The following CTNNA2 variants were observed in gnomAD, a reference collection of about 807,000 sequenced individuals.
CTNNA2 encodes the protein catenin alpha-2.
CTNNA2 carries 42 observed loss-of-function variants against 101.0 expected under a neutral mutation model. The ratio of observed to expected loss-of-function variants is 0.42; its 90% CI spans 0.32 to 0.54. CTNNA2 has a LOEUF of 0.54. Ranked by LOEUF, CTNNA2 falls within the 20% of genes least tolerant of loss-of-function variation. The probability of loss-of-function intolerance (pLI) is 0.14; values close to 1 mark genes in which losing one functional copy is unlikely to be tolerated. For synonymous variants in CTNNA2, 450 were observed against 456.4 expected (o/e 0.99, Z 0.18); for missense variants, 871 against 1,223.1 (o/e 0.71, Z 4.29).
chr2:79,276,853 G>A (rs762220354), intron 2 of CTNNA2, among the ~76,000 whole-genome samples: 4 of 152,022 alleles, frequency 2.6e-5, no homozygotes, highest in African/African-American at 4.8e-5. Context: ...GATAAGAAAG[G>A]TTTTCCATTT....
At chr2:80,317,087 G>A (rs1678203012) in intron 7 of CTNNA2, among the ~76,000 whole-genome samples, 1 of 152,068 alleles carries the variant, frequency 6.6e-6, no homozygotes, top group African/African-American at 2.4e-5. Context: ...AGAACAGAAG[G>A]TGCCAAGGCC....
At chr2:79,769,687 C>T (rs1031931500) in intron 3 of CTNNA2, among the ~76,000 whole-genome samples, 2 of 148,074 alleles carry the variant, frequency 1.4e-5, no homozygotes, top group Non-Finnish European at 3.0e-5. Flanking sequence ...CTCTTAAATT[C>T]TTTCTTAAAG....
At chr2:80,636,510 G>A (rs1672896790) in intron 18 of CTNNA2, among the ~76,000 whole-genome samples, 1 of 152,034 alleles carries the variant, frequency 6.6e-6, no homozygotes, top group Admixed American at 6.6e-5. Context: ...GGGGTAGTGA[G>A]GGATCTCAGC....
At chr2:80,167,263 G>A (rs1473561697) in intron 7 of CTNNA2, among the ~76,000 whole-genome samples, 1 of 151,940 alleles carries the variant, frequency 6.6e-6, no homozygotes, top group African/African-American at 2.4e-5. Flanking sequence ...TATTTTTCTT[G>A]TTATTAGAAG....
intron 7 of CTNNA2, among the ~76,000 whole-genome samples, chr2:79,972,205 T>C (rs1272380741): frequency 6.6e-6 from 1 of 152,206 alleles, no homozygotes. Context: ...TTCATTGTTT[T>C]ATTATCAGCA....
At chr2:80,264,437 A>G (rs1672852384) in intron 7 of CTNNA2, among the ~76,000 whole-genome samples, 1 of 152,118 alleles carries the variant, frequency 6.6e-6, no homozygotes, top group Non-Finnish European at 1.5e-5. Context: ...GTTTCAGGTA[A>G]AAATGTATTA....
chr2:79,755,332 C>T lies in CTNNA2; in HGVS notation c.298+10750C>T, dbSNP rs186519689. 6.6e-5 allele frequency among the ~76,000 whole-genome samples: 10 copies of T among 152,174 alleles called. 1 individual carries two copies. The highest frequency in any genetic ancestry group is 4.6e-4 in the Admixed American group (7 of 15,280). Reference sequence around the variant, plus strand: ...AGTGACAAAGCAAGAGCAAATGATACAGTTTGAGTAATGTAATAAAGTGCA... The same window carrying T: ...AGTGACAAAGCAAGAGCAAATGATATAGTTTGAGTAATGTAATAAAGTGCA... On this transcript the variant is annotated intron_variant, in intron 3 of 18. Transcript: ENST00000402739.
chr2:80,542,567 C>T (rs183016136), intron 9 of CTNNA2, among the ~76,000 whole-genome samples: 40 of 151,834 alleles, frequency 2.6e-4, no homozygotes, highest in Admixed American at 1.5e-3. Context: ...TTTCATTAAG[C>T]GTGTTGGTAT....
chr2:79,714,855 A>T (rs1685969696), intron 2 of CTNNA2, among the ~76,000 whole-genome samples: 1 of 152,050 alleles, frequency 6.6e-6, no homozygotes, highest in African/African-American at 2.4e-5. Flanking sequence ...CTAGCATGGC[A>T]TGCATTCTTA....
intron 3 of CTNNA2, among the ~76,000 whole-genome samples, chr2:79,779,461 G>A (rs896902858): frequency 6.6e-6 from 1 of 152,122 alleles, no homozygotes; most frequent in African/African-American, 2.4e-5. Flanking sequence ...CATATAAGTA[G>A]CAGATGGACT....
intron 1 of CTNNA2, among the ~76,000 whole-genome samples, chr2:79,590,955 C>G (rs1245177615): frequency 6.6e-6 from 1 of 152,150 alleles, no homozygotes; most frequent in Non-Finnish European, 1.5e-5. Context: ...GTTCTAAGCA[C>G]AAGGACTGAA....
At chr2:80,012,602 T>C (rs1693868358) in intron 7 of CTNNA2, among the ~76,000 whole-genome samples, 1 of 152,208 alleles carries the variant, frequency 6.6e-6, no homozygotes, top group Non-Finnish European at 1.5e-5. Flanking sequence ...AATGCAGCCA[T>C]AGATAATATG....
At chr2:79,751,275 A>G (rs986971344) in intron 3 of CTNNA2, among the ~76,000 whole-genome samples, 10 of 152,082 alleles carry the variant, frequency 6.6e-5, no homozygotes, top group Admixed American at 6.5e-5. Flanking sequence ...GATTTGATGA[A>G]ATGTTTCATA....
intron 2 of CTNNA2, among the ~76,000 whole-genome samples, chr2:79,270,686 A>G (rs1438344859): frequency 2.0e-5 from 3 of 152,066 alleles, no homozygotes; most frequent in Non-Finnish European, 2.9e-5. Flanking sequence ...AGCATAATCC[A>G]CTGTGTCCCA....
intron 7 of CTNNA2, among the ~76,000 whole-genome samples, chr2:79,924,596 G>T (rs547338122): frequency 6.6e-6 from 1 of 152,158 alleles, no homozygotes; most frequent in South Asian, 2.1e-4. Context: ...TTCTTCCATC[G>T]CTACGTTCAG....
At chr2:80,193,924 A>G (rs955864182) in intron 7 of CTNNA2, among the ~76,000 whole-genome samples, 1 of 152,186 alleles carries the variant, frequency 6.6e-6, no homozygotes, top group Non-Finnish European at 1.5e-5. Context: ...CTGTAAAACA[A>G]AATCAAAAGG....
At chr2:79,323,387 G>C (rs1452117646) in intron 3 of CTNNA2, among the ~76,000 whole-genome samples, 2 of 152,130 alleles carry the variant, frequency 1.3e-5, no homozygotes, top group African/African-American at 4.8e-5. Context: ...AGTTCAAAGA[G>C]TCTACGTAAC....
intron 3 of CTNNA2, among the ~76,000 whole-genome samples, chr2:79,326,300 C>CA (rs72151080): frequency 0.19 from 22,675 of 118,636 alleles, 1,803 homozygotes; most frequent in Middle Eastern, 0.29. Flanking sequence ...AACAAACAAG[C>CA]AAAAAAAAAA....
chr2:79,987,429 G>A (rs555308092), intron 7 of CTNNA2, among the ~76,000 whole-genome samples: 1 of 152,280 alleles, frequency 6.6e-6, no homozygotes, highest in Admixed American at 6.5e-5. Flanking sequence ...GCCTCCTAAC[G>A]AGCTAGGTGA....
Sources: gnomAD v4.1 joint callset for allele counts (sites outside exome capture counted in the v4.1 genomes callset) on GRCh38, gnomAD v4.1.1 for gene constraint, MANE v1.5 for transcripts, NCBI Gene and HGNC (gene_info 2026-07-23, HGNC 2026-07-21) for gene names.